MYT1L: variants seen among roughly 807,000 people sequenced by gnomAD.
MYT1L encodes myelin transcription factor 1 like.
MYT1L carries 12 observed loss-of-function variants against 126.7 expected under a neutral mutation model. That is an observed-to-expected ratio of 0.09 (90% CI 0.06 to 0.15). MYT1L has a LOEUF of 0.15. Ranked by LOEUF, MYT1L falls within the 10% of genes least tolerant of loss-of-function variation. The probability of loss-of-function intolerance (pLI) is 1.00; values close to 1 mark genes in which losing one functional copy is unlikely to be tolerated. For missense variants in MYT1L, 979 were observed against 1,585.2 expected (o/e 0.62, Z 6.49); for synonymous variants, 541 against 604.2 (o/e 0.90, Z 1.53).
At chr2:1,837,909 G>T (rs12714323) in intron 21 of MYT1L, among the ~76,000 whole-genome samples, 65,321 of 148,914 alleles carry the variant, frequency 0.44, 15,150 homozygotes, top group East Asian at 0.66. Context: ...TTTGTCTTTT[G>T]TTTGTTTGTT....
chr2:1,802,019 A>G (rs1442363537), intron 22 of MYT1L: 8 of 464,646 alleles, frequency 1.7e-5, no homozygotes, highest in Non-Finnish European at 3.0e-5. Flanking sequence ...GGAACAAACA[A>G]TTGAGACGCA....
intron 4 of MYT1L, among the ~76,000 whole-genome samples, chr2:2,020,006 G>A (rs915992635): frequency 5.3e-5 from 8 of 151,908 alleles, no homozygotes; most frequent in Non-Finnish European, 7.4e-5. Context: ...CACTGCACCC[G>A]GCTAATTTTT....
chr2:1,955,002 G>A (rs1288116955), intron 8 of MYT1L, among the ~76,000 whole-genome samples: 1 of 151,806 alleles, frequency 6.6e-6, no homozygotes, highest in Admixed American at 6.6e-5. Context: ...AAGAAAAAAA[G>A]TTAGCCGGGC....
Position 2,029,847 on chromosome 2 carries a change from T to C in MYT1L, c.-158+24131A>G, listed in dbSNP as rs538502194. Among the ~76,000 whole-genome samples the C allele has an allele frequency of 1.5e-4, 23 of 152,318 alleles. 1 individual carries two copies. The South Asian group carries it at 4.3e-3, about 29-fold the overall frequency. ...CATTCTATATGGACCAAAACCATATTTGTCAAAGTCAAAAAATAATAGCTA... is the reference window on the plus strand; with the variant it reads ...CATTCTATATGGACCAAAACCATATCTGTCAAAGTCAAAAAATAATAGCTA... On this transcript the variant is annotated intron_variant, in intron 4 of 24. Coordinates refer to ENST00000647738, the MANE Select transcript of MYT1L (RefSeq NM_001303052.2).
At chr2:2,304,812 T>C (rs2149552101) in intron 1 of MYT1L, among the ~76,000 whole-genome samples, 1 of 152,250 alleles carries the variant, frequency 6.6e-6, no homozygotes, top group East Asian at 1.9e-4. Flanking sequence ...ATGGGTACCC[T>C]CTAGTGTACT....
intron 2 of MYT1L, among the ~76,000 whole-genome samples, chr2:2,237,308 A>T (rs966139275): frequency 3.9e-5 from 6 of 152,072 alleles, no homozygotes; most frequent in Non-Finnish European, 8.8e-5. Context: ...ACACAACCAC[A>T]GCAACCTGTG....
At chr2:2,250,804 A>T (rs2094627463) in intron 2 of MYT1L, among the ~76,000 whole-genome samples, 6 of 152,166 alleles carry the variant, frequency 3.9e-5, no homozygotes, top group Admixed American at 3.9e-4. Flanking sequence ...TACCCACAAG[A>T]ACTAAAAAGG....
chr2:2,130,408 G>A (rs1054267289), intron 3 of MYT1L, among the ~76,000 whole-genome samples: 1 of 152,060 alleles, frequency 6.6e-6, no homozygotes, highest in Admixed American at 6.6e-5. Flanking sequence ...GTATTCCCCT[G>A]GATCCAATGA....
chr2:1,956,242 ATCCTATTCTATATTTCCTAT>A lies in MYT1L; in HGVS notation c.153-12928_153-12909del, dbSNP rs1375460909. Among the ~76,000 whole-genome samples the A allele has an allele frequency of 2.4e-4, 33 of 135,928 alleles. 2 individuals carry two copies. Among genetic ancestry groups the A allele is most frequent in the African/African-American group, 8.6e-4 (30 of 34,996 alleles). The allele number at this position is 135,928 out of a possible 152,430, so 89.2% of individuals were successfully genotyped here. Reference sequence around the variant, plus strand: ...CTATCTATCTGTCTATCATCTATCTATCCTATTCTATATTTCCTATTCTATCTGTCTATCTACCTATCTAT... The same window carrying A: ...CTATCTATCTGTCTATCATCTATCTATCTATCTGTCTATCTACCTATCTAT... On this transcript the variant is annotated intron_variant, in intron 8 of 24. Coordinates refer to ENST00000647738, the MANE Select transcript of MYT1L (RefSeq NM_001303052.2).
chr2:2,265,887 G>A (rs1559499773), intron 2 of MYT1L, among the ~76,000 whole-genome samples: 1 of 152,172 alleles, frequency 6.6e-6, no homozygotes, highest in South Asian at 2.1e-4. Flanking sequence ...GATGGAGGGA[G>A]GAAAACACTG....
At chr2:1,968,460 T>C (rs574739176) in intron 8 of MYT1L, among the ~76,000 whole-genome samples, 2 of 152,306 alleles carry the variant, frequency 1.3e-5, no homozygotes, top group African/African-American at 4.8e-5. Flanking sequence ...CATCCACGTG[T>C]ATAGGAAGCC....
intron 18 of MYT1L, among the ~76,000 whole-genome samples, chr2:1,878,420 A>C (rs543546198): frequency 2.0e-5 from 3 of 152,342 alleles, no homozygotes; most frequent in African/African-American, 4.8e-5. Flanking sequence ...GAAATGGAAT[A>C]TTCCTACACG....
intron 4 of MYT1L, among the ~76,000 whole-genome samples, chr2:2,004,937 T>C (rs1266896302): frequency 6.6e-6 from 1 of 150,408 alleles, no homozygotes; most frequent in Non-Finnish European, 1.5e-5. Context: ...CATTCTTTCC[T>C]GCATGCGTTC....
chr2:1,831,674 G>A (rs773336195), intron 21 of MYT1L, among the ~76,000 whole-genome samples: 19 of 152,248 alleles, frequency 1.2e-4, no homozygotes, highest in East Asian at 5.8e-4. Context: ...CCGCCACACC[G>A]GCCTCTCGCC....
intron 21 of MYT1L, among the ~76,000 whole-genome samples, chr2:1,833,515 CGTT>C (rs951993740): frequency 1.3e-5 from 2 of 152,166 alleles, no homozygotes; most frequent in Non-Finnish European, 2.9e-5. Flanking sequence ...TGACTTCTGT[CGTT>C]GTAGAATTCT....
chr2:1,969,659 G>T (rs981724729), intron 8 of MYT1L, among the ~76,000 whole-genome samples: 4 of 152,232 alleles, frequency 2.6e-5, no homozygotes, highest in African/African-American at 9.6e-5. Flanking sequence ...TGGCACTCAG[G>T]AATGGCTGTG....
chr2:2,209,445 G>A (rs747372614), intron 2 of MYT1L, among the ~76,000 whole-genome samples: 61 of 151,226 alleles, frequency 4.0e-4, no homozygotes, highest in Non-Finnish European at 4.0e-4. Context: ...CTCTATCTCC[G>A]TGAGTTCAAT....
intron 23 of MYT1L, among the ~76,000 whole-genome samples, chr2:1,796,130 G>A (rs2033448691): frequency 6.6e-6 from 1 of 152,226 alleles, no homozygotes; most frequent in Admixed American, 6.5e-5. Context: ...GTTGAAACAG[G>A]GTCACACTCA....
intron 3 of MYT1L, among the ~76,000 whole-genome samples, chr2:2,134,591 G>C (rs1033410495): frequency 7.9e-5 from 12 of 152,118 alleles, no homozygotes; most frequent in Non-Finnish European, 1.5e-5. Flanking sequence ...GCCCTGGTAA[G>C]AAGAGAAAGA....
Sources: gnomAD v4.1 joint callset for allele counts (sites outside exome capture counted in the v4.1 genomes callset) on GRCh38, gnomAD v4.1.1 for gene constraint, MANE v1.5 for transcripts, NCBI Gene and HGNC (gene_info 2026-07-23, HGNC 2026-07-21) for gene names.